CNTLN: variants seen among roughly 807,000 people sequenced by gnomAD.
CNTLN encodes the protein centlein, centrosomal protein.
CNTLN carries 212 observed loss-of-function variants against 180.0 expected under a neutral mutation model. The observed-to-expected ratio is 1.18, with a 90% CI of 1.05 to 1.32. CNTLN has a LOEUF of 1.32. CNTLN is among the 40% of genes most tolerant of loss of function. The pLI, the probability that CNTLN is intolerant of heterozygous loss-of-function variation, is 0.00. For synonymous variants in CNTLN, 722 were observed against 563.1 expected (o/e 1.28, Z -3.99); for missense variants, 2,095 against 1,610.9 (o/e 1.30, Z -5.14).
At chr9:17,457,836 T>A (rs1159378969) in intron 19 of CNTLN, 121 bp downstream of exon 19, 2 of 576,464 alleles carry the variant, frequency 3.5e-6, no homozygotes, top group Non-Finnish European at 2.7e-6. Context: ...ATCCAAAAAA[T>A]TATTAATATT....
At chr9:17,366,585 G>A (rs1487998420) in intron 12 of CNTLN, 32 bp from the exon 13 acceptor site, 1 of 1,075,258 alleles carries the variant, frequency 9.3e-7, no homozygotes, top group South Asian at 1.4e-5. Flanking sequence ...AAACAATATG[G>A]TTTTAAGTAA....
At chr9:17,214,655 A>G (rs1336886214) in intron 2 of CNTLN, among the ~76,000 whole-genome samples, 2 of 152,186 alleles carry the variant, frequency 1.3e-5, no homozygotes, top group Non-Finnish European at 2.9e-5. Flanking sequence ...AGTGTTTTCC[A>G]TCTTGGTTCC....
intron 8 of CNTLN, among the ~76,000 whole-genome samples, chr9:17,310,267 T>C (rs776306281): frequency 6.6e-6 from 1 of 152,150 alleles, no homozygotes; most frequent in Non-Finnish European, 1.5e-5. Flanking sequence ...TTAAACAGTT[T>C]TATCATATAC....
intron 7 of CNTLN, among the ~76,000 whole-genome samples, chr9:17,304,167 T>A (rs984148811): frequency 7.9e-5 from 12 of 152,178 alleles, no homozygotes; most frequent in African/African-American, 2.9e-4. Context: ...AAAAAAGTTT[T>A]GAGCACAGAG....
rs150855410 is a variant in CNTLN at position 17,330,772 on chromosome 9, A to C, written c.1482A>C (p.Arg494=). 228 of 1,609,970 alleles carry C rather than the reference A, an allele frequency of 1.4e-4. 1 individual carries two copies. In the African/African-American group the frequency reaches 2.6e-3, roughly 18 times the overall value. ...ENISANKGFS[R]KSIMTSAEGK... is the part of the protein sequence containing the mutation. ...TATCTGCCAACAAGGGTTTCTCCCGAAAGAGCATCATGACAAGTGCTGAAG... is the reference window on the plus strand; with the variant it reads ...TATCTGCCAACAAGGGTTTCTCCCGCAAGAGCATCATGACAAGTGCTGAAG... Residue 494 remains arginine (R), a synonymous_variant, in exon 9 of 26, where the codon CGA becomes CGC. Coordinates refer to ENST00000380647, the MANE Select transcript of CNTLN (RefSeq NM_017738.4).
At chr9:17,310,313 C>T (rs1036192028) in intron 8 of CNTLN, among the ~76,000 whole-genome samples, 4 of 151,854 alleles carry the variant, frequency 2.6e-5, no homozygotes, top group African/African-American at 4.8e-5. Flanking sequence ...TTTAGTCATT[C>T]AAAAAAATGA....
the CNTLN span, among the ~76,000 whole-genome samples, chr9:17,527,243 A>G: frequency 6.6e-6 from 1 of 152,084 alleles, no homozygotes; most frequent in East Asian, 1.9e-4. Context: ...GTGACACTCC[A>G]AATTCAGCCA....
At chr9:17,460,242 C>A (rs1831375155) in intron 19 of CNTLN, among the ~76,000 whole-genome samples, 1 of 151,590 alleles carries the variant, frequency 6.6e-6, no homozygotes, top group Non-Finnish European at 1.5e-5. Context: ...AGAACTCAAA[C>A]CATCTGGCTC....
chr9:17,232,554 T>G (rs1378716804), intron 3 of CNTLN, among the ~76,000 whole-genome samples: 2 of 152,026 alleles, frequency 1.3e-5, no homozygotes. Flanking sequence ...TTTAACTAAT[T>G]TCAGAATAGA....
intron 2 of CNTLN, among the ~76,000 whole-genome samples, chr9:17,223,968 A>G (rs773075321): frequency 6.6e-6 from 1 of 151,920 alleles, no homozygotes; most frequent in Non-Finnish European, 1.5e-5. Context: ...TAGTTCCATG[A>G]CTTGACTTGG....
intron 5 of CNTLN, among the ~76,000 whole-genome samples, chr9:17,271,932 A>G (rs375149685): frequency 7.8e-4 from 119 of 152,086 alleles, no homozygotes; most frequent in African/African-American, 2.7e-3. Flanking sequence ...GCTTCATAAT[A>G]TTTGTCTATT....
rs2132516466 is a variant in CNTLN at position 17,273,811 on chromosome 9, T to C, written c.928T>C (p.Leu310=). The C allele has an allele frequency of 2.5e-6, 4 of 1,575,782 alleles. No homozygotes were observed. The highest frequency in any genetic ancestry group is 3.4e-6 in the Non-Finnish European group (4 of 1,163,744). ...QSKYNALSLQ[L]SNKQTELIQK... Reference sequence around the variant, plus strand: ...TAAATACAATGCTCTATCATTACAGTTGAGTAATAAACAGACTGAACTTAT... The same window carrying C: ...TAAATACAATGCTCTATCATTACAGCTGAGTAATAAACAGACTGAACTTAT... The change falls in exon 6 of 26, where the codon TTG becomes CTG. Residue 310 remains leucine (L), a synonymous_variant. Transcript: ENST00000380647.
intron 15 of CNTLN, among the ~76,000 whole-genome samples, chr9:17,396,111 C>T (rs1826499946): frequency 6.6e-6 from 1 of 152,202 alleles, no homozygotes; most frequent in Admixed American, 6.5e-5. Context: ...CAGCAAGTTA[C>T]CCTATGTGGT....
chr9:17,493,535 A>T (rs1186357688), intron 25 of CNTLN, among the ~76,000 whole-genome samples: 1 of 152,006 alleles, frequency 6.6e-6, no homozygotes, highest in African/African-American at 2.4e-5. Flanking sequence ...CATTAAAATG[A>T]CTCCTATTCT....
At chr9:17,423,448 CTT>C (rs138048089) in intron 18 of CNTLN, among the ~76,000 whole-genome samples, 2,766 of 152,086 alleles carry the variant, frequency 0.018, 79 homozygotes, top group African/African-American at 0.063. Context: ...ACAAAGTACT[CTT>C]TACTCTTCCT....
intron 2 of CNTLN, among the ~76,000 whole-genome samples, chr9:17,219,388 C>T (rs1485513229): frequency 1.3e-5 from 2 of 151,706 alleles, no homozygotes; most frequent in East Asian, 3.9e-4. Flanking sequence ...ATATTGTATT[C>T]CTGTTACAGC....
At chr9:17,489,608 A>G (rs1833047438) in intron 25 of CNTLN, among the ~76,000 whole-genome samples, 1 of 152,026 alleles carries the variant, frequency 6.6e-6, no homozygotes, top group Non-Finnish European at 1.5e-5. Context: ...AGAATGTCAT[A>G]TTGATAAAAT....
At chr9:17,159,085 T>A (rs1276906949) in intron 2 of CNTLN, among the ~76,000 whole-genome samples, 1 of 152,202 alleles carries the variant, frequency 6.6e-6, no homozygotes, top group Non-Finnish European at 1.5e-5. Context: ...CTGTTGCTTA[T>A]TTAGAAGTGT....
Position 17,255,521 on chromosome 9 carries a change from G to T in CNTLN, c.850-18212G>T, listed in dbSNP as rs577930958. Among the ~76,000 whole-genome samples the T allele has an allele frequency of 9.9e-5, 15 of 151,734 alleles. No homozygotes were observed. The South Asian group carries it at 2.5e-3, about 25-fold the overall frequency. On this transcript the variant is annotated intron_variant, in intron 5 of 25. Transcript: ENST00000380647. ...AATTTTGTATGTTTCAATTCCCCTTGCATTCAAGGCATAAATTCCACTTGG... is the reference window on the plus strand; with the variant it reads ...AATTTTGTATGTTTCAATTCCCCTTTCATTCAAGGCATAAATTCCACTTGG...
Sources: allele counts gnomAD v4.1 joint callset (sites outside exome capture counted in the v4.1 genomes callset), GRCh38; gene constraint gnomAD v4.1.1; transcripts MANE v1.5; gene names NCBI Gene and HGNC (gene_info 2026-07-23, HGNC 2026-07-21).